Variants in C8orf34 observed in about 807,000 individuals in gnomAD.
C8orf34 encodes the protein uncharacterized protein C8orf34.
A neutral mutation model predicts 68.3 loss-of-function variants in C8orf34; 65 were observed. The ratio of observed to expected loss-of-function variants is 0.95; its 90% CI spans 0.78 to 1.17. C8orf34 has a LOEUF of 1.17. Ranked by LOEUF, C8orf34 falls within the 50% of genes most tolerant of loss-of-function variation. C8orf34 has a pLI of 0.00. For synonymous variants in C8orf34, 244 were observed against 241.2 expected (o/e 1.01, Z -0.11); for missense variants, 664 against 655.4 (o/e 1.01, Z -0.14).
intron 12 of C8orf34, among the ~76,000 whole-genome samples, chr8:68,801,379 G>A (rs1419030013): frequency 6.6e-6 from 1 of 152,162 alleles, no homozygotes. Flanking sequence ...AGCTTGAGCC[G>A]AACATACTGT....
chr8:68,366,862 C>G (rs1362349596), intron 1 of C8orf34, among the ~76,000 whole-genome samples: 1 of 144,482 alleles, frequency 6.9e-6, no homozygotes, highest in Non-Finnish European at 1.5e-5. Flanking sequence ...TCTAAAACAC[C>G]AAAAGCAATG....
chr8:68,551,537 A>G (rs1203885896), intron 7 of C8orf34, among the ~76,000 whole-genome samples: 1 of 151,972 alleles, frequency 6.6e-6, no homozygotes, highest in Non-Finnish European at 1.5e-5. Context: ...CTCTCTCTTC[A>G]GGCTATAGGA....
chr8:68,623,715 C>T (rs538715243), intron 7 of C8orf34, among the ~76,000 whole-genome samples: 2 of 151,338 alleles, frequency 1.3e-5, no homozygotes, highest in Admixed American at 1.3e-4. Context: ...GGACCACTGT[C>T]TTTTTTTTTA....
chr8:68,606,928 T>G (rs1056441795), intron 7 of C8orf34, among the ~76,000 whole-genome samples: 94 of 152,178 alleles, frequency 6.2e-4, no homozygotes, highest in Admixed American at 2.8e-3. Context: ...AAGATCTCCA[T>G]GTGTCTATCC....
chr8:68,685,192 A>G (rs1820479272), intron 8 of C8orf34, among the ~76,000 whole-genome samples: 1 of 152,214 alleles, frequency 6.6e-6, no homozygotes, highest in African/African-American at 2.4e-5. Context: ...TTTCTCTATC[A>G]TTTATTACTT....
chr8:68,594,608 T>G (rs970763301), intron 7 of C8orf34, among the ~76,000 whole-genome samples: 2 of 152,094 alleles, frequency 1.3e-5, no homozygotes, highest in Admixed American at 1.3e-4. Flanking sequence ...TTAAAACAAC[T>G]GTTCTAGAAT....
At chr8:68,545,069 A>G (rs1815828063) in intron 7 of C8orf34, among the ~76,000 whole-genome samples, 1 of 152,134 alleles carries the variant, frequency 6.6e-6, no homozygotes, top group Non-Finnish European at 1.5e-5. Flanking sequence ...ACCTAGCCAT[A>G]TTGATATGGT....
chr8:68,774,325 G>GTATATATATATATATATA (rs1491199296), intron 10 of C8orf34, among the ~76,000 whole-genome samples: 2 of 39,224 alleles, frequency 5.1e-5, no homozygotes, highest in African/African-American at 5.4e-4. Context: ...AAATATGGGT[G>GTATATATATATATATATA]TGTGTGTATA....
intron 10 of C8orf34, among the ~76,000 whole-genome samples, chr8:68,756,947 A>T (rs1822879638): frequency 6.6e-6 from 1 of 152,196 alleles, no homozygotes. Flanking sequence ...AGATGGGTTA[A>T]TAAATGATTT....
chr8:68,813,358 C>A (rs2129530028), intron 12 of C8orf34, among the ~76,000 whole-genome samples: 1 of 151,678 alleles, frequency 6.6e-6, no homozygotes, highest in Middle Eastern at 3.4e-3. Context: ...AACTTGAAAT[C>A]AGATAATTCT....
intron 4 of C8orf34, among the ~76,000 whole-genome samples, chr8:68,476,409 G>A (rs546198298): frequency 9.2e-5 from 14 of 152,298 alleles, no homozygotes; most frequent in South Asian, 6.2e-4. Flanking sequence ...AAGATGTGTC[G>A]TGGAGACAGA....
chr8:68,817,577 C>T (rs17482603), intron 13 of C8orf34, among the ~76,000 whole-genome samples: 1,652 of 151,906 alleles, frequency 0.011, 13 homozygotes, highest in Non-Finnish European at 0.019. Flanking sequence ...GTCTAATTGG[C>T]GAATCAAAAA....
intron 3 of C8orf34, among the ~76,000 whole-genome samples, chr8:68,465,910 C>A (rs1277172729): frequency 1.3e-5 from 2 of 150,678 alleles, no homozygotes; most frequent in African/African-American, 4.9e-5. Flanking sequence ...ATGTAACTGA[C>A]CTGCACATTG....
intron 7 of C8orf34, among the ~76,000 whole-genome samples, chr8:68,583,617 T>C (rs1265516799): frequency 6.6e-6 from 1 of 152,088 alleles, no homozygotes; most frequent in African/African-American, 2.4e-5. Flanking sequence ...TCCATTTCTT[T>C]AAAAGTCAAT....
chr8:68,375,883 G>A (rs1184774335), intron 1 of C8orf34, among the ~76,000 whole-genome samples: 1 of 152,102 alleles, frequency 6.6e-6, no homozygotes, highest in African/African-American at 2.4e-5. Flanking sequence ...TAAAATATAG[G>A]CTTTAGACTC....
intron 1 of C8orf34, among the ~76,000 whole-genome samples, chr8:68,390,555 T>C (rs1808439404): frequency 6.6e-6 from 1 of 152,168 alleles, no homozygotes; most frequent in Non-Finnish European, 1.5e-5. Flanking sequence ...TTTCTTTCCA[T>C]CTCTGTTACT....
chr8:68,402,128 C>T (rs769019523), intron 1 of C8orf34, among the ~76,000 whole-genome samples: 13 of 152,058 alleles, frequency 8.5e-5, no homozygotes, highest in Non-Finnish European at 1.0e-4. Flanking sequence ...CTTGTTGCTT[C>T]AATCCTGGGA....
chr8:68,792,856 G>C (rs189245654), intron 12 of C8orf34, among the ~76,000 whole-genome samples: 4 of 151,810 alleles, frequency 2.6e-5, no homozygotes, highest in Admixed American at 6.6e-5. Context: ...AGGTTAAGTG[G>C]CATGTGATAT....
chr8:68,335,871 G>GGCT (rs1805825717), intron 1 of C8orf34, among the ~76,000 whole-genome samples: 2 of 152,122 alleles, frequency 1.3e-5, no homozygotes, highest in Non-Finnish European at 2.9e-5. Flanking sequence ...CTTGAGGTCA[G>GGCT]GAGTTTGAGA....
Sources: allele counts gnomAD v4.1 joint callset (sites outside exome capture counted in the v4.1 genomes callset), GRCh38; gene constraint gnomAD v4.1.1; transcripts MANE v1.5; gene names NCBI Gene and HGNC (gene_info 2026-07-23, HGNC 2026-07-21).